Variants in C19orf38 observed in about 807,000 individuals in gnomAD.
C19orf38 encodes chromosome 19 open reading frame 38.
Under a neutral mutation model 26.6 loss-of-function variants are expected in C19orf38, and 14 were observed. The observed-to-expected ratio is 0.53, with a 90% confidence interval of 0.35 to 0.82. The LOEUF (loss-of-function observed/expected upper bound fraction) is 0.82. C19orf38 is among the 40% of genes least tolerant of loss of function. C19orf38 has a pLI of 0.01. For synonymous variants in C19orf38, 132 were observed against 128.5 expected, an observed-to-expected ratio of 1.03 and a Z score of -0.18; for missense variants, 261 against 299.5, an observed-to-expected ratio of 0.87 and a Z score of 0.95.
intron 6 of C19orf38, 118 bp downstream of exon 6, chr19:10,863,325 G>T: frequency 8.5e-7 from 1 of 1,176,744 alleles, no homozygotes; most frequent in South Asian, 1.4e-5. Context: ...CTGCGGGGGG[G>T]CTAGGAAAAG....
intron 6 of C19orf38, among the ~76,000 whole-genome samples, chr19:10,865,962 A>G (rs1435831491): frequency 6.6e-6 from 1 of 151,002 alleles, no homozygotes; most frequent in East Asian, 2.0e-4. Context: ...ACAGACTTCC[A>G]CCACCATGCC....
chr19:10,848,306 GTGTT>G, upstream of C19orf38: 1 of 584,778 alleles, frequency 1.7e-6, no homozygotes, highest in Non-Finnish European at 3.1e-6. Context: ...GGTCTGATGT[GTGTT>G]TGGGGAAGGG....
At chr19:10,845,300 A>T (rs546025949), upstream of C19orf38, among the ~76,000 whole-genome samples, 1 of 152,290 alleles carries the variant, frequency 6.6e-6, no homozygotes, top group East Asian at 1.9e-4. Flanking sequence ...CGTACGTACA[A>T]TGTGGATCGA....
chr19:10,864,445 G>A (rs2073732213), intron 6 of C19orf38, among the ~76,000 whole-genome samples: 1 of 152,160 alleles, frequency 6.6e-6, no homozygotes, highest in African/African-American at 2.4e-5. Context: ...ACACATTTTT[G>A]GCACAGCCCA....
At chr19:10,864,614 A>C (rs1309395766) in intron 6 of C19orf38, among the ~76,000 whole-genome samples, 4 of 152,080 alleles carry the variant, frequency 2.6e-5, no homozygotes, top group Admixed American at 2.0e-4. Flanking sequence ...AGGAGGACAG[A>C]TTTGGGGAAA....
intron 2 of C19orf38, 53 bp from the exon 3 acceptor site, chr19:10,856,212 A>C: frequency 5.6e-6 from 8 of 1,424,168 alleles, no homozygotes; most frequent in Non-Finnish European, 7.7e-6. Context: ...ACTCAAAGGT[A>C]ACCTGGAGAG....
At chr19:10,868,859 G>A (rs1169248108) in intron 6 of C19orf38, among the ~76,000 whole-genome samples, 2 of 152,214 alleles carry the variant, frequency 1.3e-5, no homozygotes, top group African/African-American at 4.8e-5. Context: ...CTTACGATGT[G>A]CCATTTGCTT....
chr19:10,851,969 C>G (rs1368599932), intron 2 of C19orf38, among the ~76,000 whole-genome samples: 1 of 135,036 alleles, frequency 7.4e-6, no homozygotes, highest in East Asian at 2.2e-4. Flanking sequence ...AGCGAGACTC[C>G]GTCTCAAAAA....
intron 3 of C19orf38, 39 bp downstream of exon 3, chr19:10,856,396 G>T: frequency 6.7e-7 from 1 of 1,498,372 alleles, no homozygotes; most frequent in South Asian, 1.2e-5. Flanking sequence ...GTTGCCAGTT[G>T]ACAACTTCTG....
intron 1 of C19orf38, among the ~76,000 whole-genome samples, chr19:10,841,052 T>C (rs2073474288): frequency 6.7e-6 from 1 of 150,284 alleles, no homozygotes; most frequent in Non-Finnish European, 1.5e-5. Context: ...CGGTGGTGTG[T>C]ATATCTTCTT....
At position 10,857,563 on chromosome 19, in the gene C19orf38, GCCA is replaced by G. The variant is rs2073642494; in HGVS notation, c.434-748_434-746del. 4.7e-5 allele frequency among the ~76,000 whole-genome samples: 7 copies of G among 150,474 alleles called. No individual in the cohort carries two copies. The South Asian group carries it at 1.5e-3, about 32-fold the overall frequency. On this transcript the variant is annotated intron_variant, in intron 3 of 6. Coordinates refer to ENST00000397820, the MANE Select transcript of C19orf38 (RefSeq NM_001136482.3). ...CGAGTAGCTGGGACTACAGGTGCGT[GCCA>G]CCACACCCAGCTAACTTTTGTATTT...
upstream of C19orf38, among the ~76,000 whole-genome samples, chr19:10,845,818 G>A (rs1041227756): frequency 8.6e-5 from 13 of 150,566 alleles, no homozygotes; most frequent in East Asian, 2.0e-4. Flanking sequence ...GGCAGAGCTT[G>A]CAGTGAGCCG....
chr19:10,851,687 G>A (rs2073573757), intron 2 of C19orf38, among the ~76,000 whole-genome samples: 1 of 151,864 alleles, frequency 6.6e-6, no homozygotes, highest in South Asian at 2.1e-4. Context: ...ACAAAAAATA[G>A]GCTGGGCGTG....
intron 2 of C19orf38, among the ~76,000 whole-genome samples, chr19:10,851,466 A>G (rs921182251): frequency 2.0e-5 from 3 of 150,036 alleles, no homozygotes; most frequent in Non-Finnish European, 4.4e-5. Flanking sequence ...TCAGCCTCCT[A>G]AGTAGCTGAG....
At chr19:10,864,979 T>G (rs550956711) in intron 6 of C19orf38, among the ~76,000 whole-genome samples, 3 of 152,176 alleles carry the variant, frequency 2.0e-5, no homozygotes, top group Admixed American at 6.6e-5. Context: ...GGAAGGGGGC[T>G]TGGCACGGGC....
At chr19:10,840,650 G>A (rs1336641685) in intron 1 of C19orf38, among the ~76,000 whole-genome samples, 1 of 152,178 alleles carries the variant, frequency 6.6e-6, no homozygotes, top group Admixed American at 6.5e-5. Context: ...TCCTGAGTAG[G>A]TGGGACTATG....
chr19:10,866,457 CA>C (rs1313247077), intron 6 of C19orf38, among the ~76,000 whole-genome samples: 1 of 150,616 alleles, frequency 6.6e-6, no homozygotes, highest in Non-Finnish European at 1.5e-5. Flanking sequence ...CCACCTGCCT[CA>C]GCCTCCCAAA....
At chr19:10,841,508 C>T (rs963612285) in intron 1 of C19orf38, among the ~76,000 whole-genome samples, 1 of 151,778 alleles carries the variant, frequency 6.6e-6, no homozygotes, top group Non-Finnish European at 1.5e-5. Flanking sequence ...AATACCCTCT[C>T]GCGGCCGGGC....
chr19:10,839,149 C>A (rs1161756569), intron 1 of C19orf38, among the ~76,000 whole-genome samples: 1 of 152,160 alleles, frequency 6.6e-6, no homozygotes, highest in Admixed American at 6.6e-5. Flanking sequence ...TCATGATCCG[C>A]CCACCTTGGC....
Sources: allele counts gnomAD v4.1 joint callset (sites outside exome capture counted in the v4.1 genomes callset), GRCh38; gene constraint gnomAD v4.1.1; transcripts MANE v1.5; gene names NCBI Gene and HGNC (gene_info 2026-07-23, HGNC 2026-07-21).